Variants in UBE3B observed in about 807,000 individuals in gnomAD.
UBE3B encodes ubiquitin protein ligase E3B.
In UBE3B, 80 loss-of-function variants were observed where a neutral mutation model predicts 132.3. That is an observed-to-expected ratio of 0.60 (90% confidence interval 0.50 to 0.73). The LOEUF (loss-of-function observed/expected upper bound fraction) is 0.73, where lower values mean the gene tolerates loss of function less well. Ranked by LOEUF, UBE3B falls within the 30% of genes least tolerant of loss-of-function variation. The pLI is 0.00. For synonymous variants in UBE3B, 487 were observed against 520.4 expected (o/e 0.94, Z 0.87); for missense variants, 1,196 against 1,362.5 (o/e 0.88, Z 1.92).
chr12:109,501,789 G>A (rs576261249), intron 13 of UBE3B, among the ~76,000 whole-genome samples: 2 of 152,032 alleles, frequency 1.3e-5, no homozygotes, highest in South Asian at 4.2e-4. Context: ...ATAATAGCTG[G>A]GACTACAGGC....
intron 26 of UBE3B, among the ~76,000 whole-genome samples, chr12:109,531,977 G>A (rs1013009877): frequency 1.6e-4 from 24 of 151,978 alleles, no homozygotes; most frequent in African/African-American, 5.8e-4. Context: ...ACAGGCCCCA[G>A]AGCCAAGCAG....
chr12:109,516,795 A>G lies in UBE3B; in HGVS notation c.1987A>G (p.Lys663Glu). 1 of 1,614,068 alleles carries G rather than the reference A, an allele frequency of 6.2e-7. No homozygotes were observed. The highest frequency in any genetic ancestry group is 1.3e-5 in the African/African-American group (1 of 75,002). The change falls in exon 19 of 28, where the codon AAG (lysine) becomes GAG (glutamate). Residue 663 changes from lysine (K) to glutamate (E), a missense_variant. Transcript: ENST00000342494. ...TCTACTGTTTCGAACCATGGTTACC[A>G]AGGAGAAGGAGAAACTGGGGCTGGT... Reference protein sequence around the residue: ...RVLLFRTMVTKEKEKLGLVET... With the variant: ...RVLLFRTMVTEEKEKLGLVET...
rs962548608 is a variant in UBE3B at position 109,498,013 on chromosome 12, A to T, written c.819+90A>T. ...AGAAAGTAAAATGGCTTCTCTGCTT[A>T]TTTCCACACCTCCCTTTAATTGTTC... On this transcript the variant is annotated intron_variant, in intron 10 of 27. Transcript: ENST00000342494. 4.2e-6 allele frequency: 6 copies of T among 1,429,014 alleles called. No homozygotes were observed. The South Asian group carries it at 7.0e-5, about 17-fold the overall frequency. The allele number at this position is 1,429,014 out of a possible 1,614,324, so 88.5% of individuals were successfully genotyped here. A position where few individuals can be genotyped will look rare whatever the true frequency, so the allele number is the denominator to read the frequency against.
chr12:109,544,554 G>T, the UBE3B span, among the ~76,000 whole-genome samples: 1 of 152,130 alleles, frequency 6.6e-6, no homozygotes, highest in Non-Finnish European at 1.5e-5. Context: ...ACAATCTTGG[G>T]TAAGTCGGCC....
chr12:109,486,119 A>C (rs1222819581), intron 5 of UBE3B, 48 bp downstream of exon 5: 6 of 1,542,356 alleles, frequency 3.9e-6, no homozygotes, highest in South Asian at 1.2e-5. Flanking sequence ...TTAAGGGCCA[A>C]CCTACTGGGC....
chr12:109,524,989 C>T (rs1221856606), intron 23 of UBE3B, among the ~76,000 whole-genome samples: 1 of 152,060 alleles, frequency 6.6e-6, no homozygotes, highest in Non-Finnish European at 1.5e-5. Context: ...GCAGCCTCCG[C>T]GCCCTTTGAT....
At chr12:109,509,299 G>C (rs929680922) in intron 15 of UBE3B, 1 of 187,978 alleles carries the variant, frequency 5.3e-6, no homozygotes, top group South Asian at 1.9e-4. Flanking sequence ...TACATGTGCT[G>C]AAAGTGCAGG....
chr12:109,490,678 T>C, intron 8 of UBE3B: 1 of 1,475,386 alleles, frequency 6.8e-7, no homozygotes, highest in Non-Finnish European at 8.9e-7. Flanking sequence ...ATTATTTGTA[T>C]TAGCTGTTTT....
chr12:109,531,758 C>T (rs1022635770), intron 26 of UBE3B, among the ~76,000 whole-genome samples: 1 of 152,044 alleles, frequency 6.6e-6, no homozygotes, highest in African/African-American at 2.4e-5. Context: ...CTGGGAGAAT[C>T]AGTTCAGTTT....
intron 26 of UBE3B, among the ~76,000 whole-genome samples, chr12:109,532,112 A>G (rs1882994316): frequency 6.6e-6 from 1 of 152,166 alleles, no homozygotes; most frequent in Non-Finnish European, 1.5e-5. Context: ...GGAGCGGGAA[A>G]GCTTCCCTCC....
chr12:109,510,601 C>T, intron 17 of UBE3B, 143 bp downstream of exon 17: 1 of 674,790 alleles, frequency 1.5e-6, no homozygotes, highest in South Asian at 1.8e-5. Flanking sequence ...AAGAGAGCTG[C>T]TGTCCCTGTG....
At chr12:109,524,248 G>A in intron 22 of UBE3B, 133 bp downstream of exon 22, 1 of 1,409,314 alleles carries the variant, frequency 7.1e-7, no homozygotes, top group Non-Finnish European at 9.7e-7. Context: ...ACATCCCCCT[G>A]TGGGCAGTCC....
chr12:109,493,835 T>C (rs1877813812), intron 9 of UBE3B, among the ~76,000 whole-genome samples: 1 of 152,212 alleles, frequency 6.6e-6, no homozygotes, highest in Non-Finnish European at 1.5e-5. Flanking sequence ...GTTTTATTTA[T>C]TTATTTGTGA....
At chr12:109,505,446 G>A (rs1879543331) in intron 14 of UBE3B, among the ~76,000 whole-genome samples, 1 of 152,208 alleles carries the variant, frequency 6.6e-6, no homozygotes, top group South Asian at 2.1e-4. Flanking sequence ...CACAGAACTC[G>A]AGGACACTTG....
the UBE3B span, among the ~76,000 whole-genome samples, chr12:109,541,938 T>C: frequency 6.6e-6 from 1 of 152,236 alleles, no homozygotes; most frequent in African/African-American, 2.4e-5. Context: ...TGATCTCATC[T>C]TGTGGTCCTT....
intron 16 of UBE3B, 28 bp downstream of exon 16, chr12:109,509,742 T>C: frequency 1.3e-6 from 2 of 1,482,746 alleles, no homozygotes; most frequent in Non-Finnish European, 1.9e-6. Flanking sequence ...TGCTGTTGTT[T>C]GGTTGATGCT....
chr12:109,523,819 T>C (rs1287390830), intron 21 of UBE3B, among the ~76,000 whole-genome samples, 159 bp from the exon 22 acceptor site: 2 of 152,164 alleles, frequency 1.3e-5, no homozygotes, highest in Admixed American at 6.5e-5. Flanking sequence ...TTGTATTTGG[T>C]AGAGGATGGG....
chr12:109,542,151 G>A, the UBE3B span, among the ~76,000 whole-genome samples: 2 of 152,136 alleles, frequency 1.3e-5, no homozygotes, highest in Admixed American at 6.5e-5. Flanking sequence ...AGGGTGAGGG[G>A]GTGAAAAGGA....
chr12:109,524,171 G>T, intron 22 of UBE3B, 56 bp downstream of exon 22: 1 of 1,606,880 alleles, frequency 6.2e-7, no homozygotes, highest in Non-Finnish European at 8.5e-7. Flanking sequence ...CTCACAGCTT[G>T]CGAAGTCCCA....
Sources: allele counts gnomAD v4.1 joint callset (sites outside exome capture counted in the v4.1 genomes callset), GRCh38; gene constraint gnomAD v4.1.1; transcripts MANE v1.5; gene names NCBI Gene and HGNC (gene_info 2026-07-23, HGNC 2026-07-21).